The following CDH8 variants were observed in gnomAD, a reference collection of about 807,000 sequenced individuals.
CDH8 encodes cadherin 8.
In CDH8, 17 loss-of-function variants were observed where a neutral mutation model predicts 68.1. The observed-to-expected ratio is 0.25, with a 90% CI of 0.17 to 0.37. The LOEUF (loss-of-function observed/expected upper bound fraction) is 0.37. CDH8 is among the 10% of genes least tolerant of loss of function. The probability of loss-of-function intolerance (pLI) is 1.00; values close to 1 mark genes in which losing one functional copy is unlikely to be tolerated. For synonymous variants in CDH8, 372 were observed against 365.1 expected (o/e 1.02, Z -0.21); for missense variants, 763 against 999.3 (o/e 0.76, Z 3.19).
intron 7 of CDH8, among the ~76,000 whole-genome samples, chr16:61,811,861 A>G (rs1228073393): frequency 6.6e-6 from 1 of 152,228 alleles, no homozygotes; most frequent in Non-Finnish European, 1.5e-5. Flanking sequence ...AATCCAAAGA[A>G]TCAGAGAGGA....
chr16:62,016,720 C>A (rs1399842179), intron 2 of CDH8, among the ~76,000 whole-genome samples: 3 of 152,196 alleles, frequency 2.0e-5, no homozygotes, highest in Non-Finnish European at 4.4e-5. Flanking sequence ...GGACTGGAGG[C>A]AGGAATAGAG....
intron 8 of CDH8, among the ~76,000 whole-genome samples, chr16:61,773,443 A>C (rs544508431): frequency 6.6e-6 from 1 of 152,282 alleles, no homozygotes; most frequent in East Asian, 1.9e-4. Flanking sequence ...AGTTACAGAA[A>C]TAAGCTGAAT....
At chr16:61,743,661 T>C (rs553693785) in intron 8 of CDH8, among the ~76,000 whole-genome samples, 3 of 152,312 alleles carry the variant, frequency 2.0e-5, no homozygotes, top group East Asian at 3.9e-4. Flanking sequence ...TTATTTTCTA[T>C]CCTATACTTA....
intron 10 of CDH8, among the ~76,000 whole-genome samples, chr16:61,674,894 G>T (rs540546721): frequency 6.9e-4 from 103 of 149,062 alleles, no homozygotes; most frequent in Non-Finnish European, 1.0e-3. Context: ...TGAATTTGAA[G>T]ACATTGCAAT....
At chr16:61,971,100 G>A (rs952123230) in intron 2 of CDH8, among the ~76,000 whole-genome samples, 7 of 151,880 alleles carry the variant, frequency 4.6e-5, no homozygotes, top group South Asian at 4.1e-4. Context: ...CACCCTGCCC[G>A]CAAAACATTG....
In CDH8 at chr16:61,680,386, C is replaced by T. The variant is rs1963989955; in HGVS notation, c.1655-24665G>A. 2.0e-5 allele frequency among the ~76,000 whole-genome samples: 3 copies of T among 151,858 alleles called. 1 individual carries two copies. In the South Asian group the frequency reaches 6.2e-4, roughly 31 times the overall value. ...GAAAATCACCTATGATAACATGGAACATCCTACCAATGCCGATTCTAATAC... is the reference window on the plus strand; with the variant it reads ...GAAAATCACCTATGATAACATGGAATATCCTACCAATGCCGATTCTAATAC... On this transcript the variant is annotated intron_variant, in intron 10 of 11. Transcript: ENST00000577390.
At chr16:61,799,998 TC>T (rs536702646) in intron 7 of CDH8, among the ~76,000 whole-genome samples, 88 of 152,092 alleles carry the variant, frequency 5.8e-4, no homozygotes, top group Non-Finnish European at 1.1e-3. Flanking sequence ...CACCTTCACT[TC>T]CCAGGGTCAA....
At chr16:61,817,785 G>A (rs1962115226) in intron 6 of CDH8, 53 bp from the exon 7 acceptor site, 1 of 1,504,990 alleles carries the variant, frequency 6.6e-7, no homozygotes, top group Middle Eastern at 1.8e-4. Context: ...ACAGCAGCAA[G>A]AACAAATGAG....
chr16:61,932,162 G>A (rs1192855028), intron 2 of CDH8, among the ~76,000 whole-genome samples: 1 of 148,800 alleles, frequency 6.7e-6, no homozygotes, highest in East Asian at 2.0e-4. Flanking sequence ...AGCCGAGAAG[G>A]CGCCACTGCA....
chr16:61,647,748 A>G lies in CDH8; in HGVS notation c.*5860T>C, dbSNP rs1963236265. ...CTTTGCATGTACAGAAGAAATCCCA[A>G]GAAATTAACATTTGGCTTTGGTGAC... On this transcript the variant is annotated 3_prime_UTR_variant, in exon 12 of 12. Coordinates refer to ENST00000577390, the MANE Select transcript of CDH8 (RefSeq NM_001796.5). 1.4e-6 allele frequency: 1 copy of G among 695,382 alleles called. No individual in the cohort carries two copies. The allele number at this position is 695,382 out of a possible 1,614,324, so 43.1% of individuals were successfully genotyped here. A position where few individuals can be genotyped will look rare whatever the true frequency, so the allele number is the denominator to read the frequency against.
chr16:61,913,938 C>T (rs1407809748), intron 2 of CDH8, among the ~76,000 whole-genome samples: 1 of 152,066 alleles, frequency 6.6e-6, no homozygotes, highest in East Asian at 1.9e-4. Context: ...AGCCCTAACC[C>T]CCAATAACTC....
At chr16:61,992,396 A>T (rs1332149293) in intron 2 of CDH8, among the ~76,000 whole-genome samples, 2 of 137,444 alleles carry the variant, frequency 1.5e-5, no homozygotes, top group Non-Finnish European at 3.1e-5. Flanking sequence ...AACAATGAGA[A>T]CACATGGACA....
rs574167664 is a variant in CDH8 at position 61,761,331 on chromosome 16, G to A, written c.1414+28015C>T. Among the ~76,000 whole-genome samples the A allele has an allele frequency of 5.3e-3, 806 of 152,240 alleles. 5 individuals carry two copies. Among genetic ancestry groups the A allele is most frequent in the Middle Eastern group, 0.017 (5 of 292 alleles). ...TACAGTATAAACAGTCTTTCTGTTT[G>A]ATTTAGGAGTAAATTGAAGCTTTAG... On this transcript the variant is annotated intron_variant, in intron 8 of 11. Transcript: ENST00000577390.
intron 2 of CDH8, among the ~76,000 whole-genome samples, chr16:61,954,769 A>C (rs755291273): frequency 6.6e-6 from 1 of 152,118 alleles, no homozygotes; most frequent in Non-Finnish European, 1.5e-5. Flanking sequence ...AAACAAAAAT[A>C]CTTTTAAAAA....
At chr16:61,832,269 T>C (rs1752332823) in intron 4 of CDH8, among the ~76,000 whole-genome samples, 2 of 151,530 alleles carry the variant, frequency 1.3e-5, no homozygotes, top group Admixed American at 1.3e-4. Flanking sequence ...TTCCCTTTCT[T>C]TGTGACTAAT....
rs1472452117 is a variant in CDH8, at chr16:61,755,990, T to G, written c.1415-28775A>C. Among the ~76,000 whole-genome samples, 5 of 152,048 alleles carry G rather than the reference T, an allele frequency of 3.3e-5. No homozygotes were observed. In the East Asian group the frequency reaches 9.7e-4, roughly 29 times the overall value. On this transcript the variant is annotated intron_variant, in intron 8 of 11. Coordinates refer to ENST00000577390, the MANE Select transcript of CDH8 (RefSeq NM_001796.5). The stretch of plus-strand genomic sequence containing the variant: ...CACATACAACCACGCCTGGCTAATG[T>G]TTGTAATTTTAATAGAGACAGGGTT...
intron 2 of CDH8, among the ~76,000 whole-genome samples, chr16:61,963,326 G>A (rs1965191166): frequency 6.6e-6 from 1 of 152,102 alleles, no homozygotes. Context: ...CATCATGTTT[G>A]TTATATACCC....
At chr16:62,033,627 G>A (rs1211035174) in intron 1 of CDH8, among the ~76,000 whole-genome samples, 1 of 152,188 alleles carries the variant, frequency 6.6e-6, no homozygotes, top group Non-Finnish European at 1.5e-5. Flanking sequence ...TAAAAAGTTT[G>A]AATGACAGCA....
At chr16:61,781,591 T>C (rs1961057499) in intron 8 of CDH8, among the ~76,000 whole-genome samples, 2 of 152,120 alleles carry the variant, frequency 1.3e-5, no homozygotes, top group South Asian at 4.1e-4. Flanking sequence ...AAGAGAGAGA[T>C]CTATCTCAAA....
Sources: gnomAD v4.1 joint callset for allele counts (sites outside exome capture counted in the v4.1 genomes callset) on GRCh38, gnomAD v4.1.1 for gene constraint, MANE v1.5 for transcripts, NCBI Gene and HGNC (gene_info 2026-07-23, HGNC 2026-07-21) for gene names.